Variants in ADAM32 observed in about 807,000 individuals in gnomAD.
ADAM32 encodes disintegrin and metalloproteinase domain-containing protein 32.
Under a neutral mutation model 114.9 loss-of-function variants are expected in ADAM32, and 89 were observed. The ratio of observed to expected loss-of-function variants is 0.77; its 90% confidence interval spans 0.65 to 0.92. The LOEUF (loss-of-function observed/expected upper bound fraction) is 0.92, where lower values mean the gene tolerates loss of function less well. Ranked by LOEUF, ADAM32 falls within the 40% of genes least tolerant of loss-of-function variation. ADAM32 has a pLI of 0.00. For synonymous variants in ADAM32, 285 were observed against 307.5 expected, an observed-to-expected ratio of 0.93 and a Z score of 0.77; for missense variants, 870 against 932.8, an observed-to-expected ratio of 0.93 and a Z score of 0.88.
chr8:39,231,864 C>T (rs1452914448), intron 14 of ADAM32, among the ~76,000 whole-genome samples, 163 bp from the exon 15 acceptor site: 1 of 152,078 alleles, frequency 6.6e-6, no homozygotes, highest in Non-Finnish European at 1.5e-5. Context: ...TAACAGTGGG[C>T]ATTGCCTTTC....
intron 12 of ADAM32, among the ~76,000 whole-genome samples, chr8:39,215,913 C>G (rs1808527150): frequency 6.6e-6 from 1 of 151,882 alleles, no homozygotes; most frequent in Non-Finnish European, 1.5e-5. Context: ...TTCATTTTAT[C>G]TATAGTGCAG....
intron 23 of ADAM32, among the ~76,000 whole-genome samples, chr8:39,281,724 A>G (rs1332299914): frequency 6.6e-6 from 1 of 152,118 alleles, no homozygotes; most frequent in Middle Eastern, 3.2e-3. Flanking sequence ...CCTACACCCC[A>G]CAGTTGTGGC....
At chr8:39,130,641 T>A (rs957922033) in intron 2 of ADAM32, among the ~76,000 whole-genome samples, 1 of 152,160 alleles carries the variant, frequency 6.6e-6, no homozygotes, top group African/African-American at 2.4e-5. Context: ...TCTTTGCAAT[T>A]TTTTTGATTC....
upstream of ADAM32, chr8:39,107,680 C>T (rs552161495): frequency 7.8e-6 from 12 of 1,539,934 alleles, no homozygotes; most frequent in East Asian, 2.5e-5. Flanking sequence ...GTCCCATGAA[C>T]GTGCGGGGAG....
chr8:39,145,701 T>G (rs905135778), intron 3 of ADAM32, among the ~76,000 whole-genome samples: 5 of 152,108 alleles, frequency 3.3e-5, no homozygotes, highest in African/African-American at 1.2e-4. Context: ...ATTTATTTAT[T>G]TTTTTGTTTA....
chr8:39,222,959 T>C, intron 13 of ADAM32, 81 bp from the exon 14 acceptor site: 1 of 1,229,028 alleles, frequency 8.1e-7, no homozygotes, highest in Admixed American at 3.1e-5. Flanking sequence ...GCGAAAATGA[T>C]TAACACAATT....
At chr8:39,241,774 G>C (rs186735714) in intron 16 of ADAM32, among the ~76,000 whole-genome samples, 1 of 152,204 alleles carries the variant, frequency 6.6e-6, no homozygotes, top group African/African-American at 2.4e-5. Flanking sequence ...TGCCACCAAG[G>C]CCTCTGACAT....
At chr8:39,275,942 C>A in intron 22 of ADAM32, 76 bp downstream of exon 22, 1 of 1,352,532 alleles carries the variant, frequency 7.4e-7, no homozygotes, top group Non-Finnish European at 1.0e-6. Context: ...TGATAATTAA[C>A]AATTACTTGC....
At chr8:39,128,028 A>T (rs945531689) in intron 2 of ADAM32, among the ~76,000 whole-genome samples, 2 of 152,000 alleles carry the variant, frequency 1.3e-5, no homozygotes, top group Non-Finnish European at 2.9e-5. Flanking sequence ...GTAGATATCT[A>T]TCAGGTCTGC....
intron 1 of ADAM32, chr8:39,108,128 T>A: frequency 3.1e-6 from 1 of 318,820 alleles, no homozygotes; most frequent in African/African-American, 2.1e-5. Context: ...ACAAAAAAAT[T>A]TAAAAAAATG....
Position 39,267,496 on chromosome 8 carries a change from A to G in ADAM32, c.2163-3380A>G, listed in dbSNP as rs562236453. Among the ~76,000 whole-genome samples the G allele has an allele frequency of 4.6e-5, 7 of 152,228 alleles. No individual in the cohort carries two copies. The South Asian group carries it at 1.5e-3, about 32-fold the overall frequency. On this transcript the variant is annotated intron_variant, in intron 19 of 24. Coordinates refer to ENST00000379907, the MANE Select transcript of ADAM32 (RefSeq NM_145004.7). Reference sequence around the variant, plus strand: ...TTTAAATCTATTTATCTGTTGATGAATATTTGGGTTATTTCCAGTTTATAG... The same window carrying G: ...TTTAAATCTATTTATCTGTTGATGAGTATTTGGGTTATTTCCAGTTTATAG...
At chr8:39,283,729 G>A in intron 24 of ADAM32, 105 bp downstream of exon 24, 1 of 795,138 alleles carries the variant, frequency 1.3e-6, no homozygotes, top group South Asian at 1.9e-5. Context: ...TAGATGAATT[G>A]GTAAAGTACT....
intron 14 of ADAM32, among the ~76,000 whole-genome samples, chr8:39,229,587 T>C: frequency 6.6e-6 from 1 of 152,116 alleles, no homozygotes; most frequent in East Asian, 1.9e-4. Context: ...AGCAACAGCA[T>C]TTAAAAGAGA....
chr8:39,260,171 C>T (rs779456205), intron 19 of ADAM32, among the ~76,000 whole-genome samples: 1 of 152,100 alleles, frequency 6.6e-6, no homozygotes, highest in African/African-American at 2.4e-5. Flanking sequence ...CATCCATCAC[C>T]TCATATAATT....
intron 12 of ADAM32, among the ~76,000 whole-genome samples, chr8:39,219,380 C>G (rs1053096847): frequency 1.9e-4 from 29 of 152,166 alleles, no homozygotes; most frequent in Non-Finnish European, 7.3e-5. Flanking sequence ...TCACTTAGGG[C>G]CCCAGAGTAC....
intron 16 of ADAM32, among the ~76,000 whole-genome samples, chr8:39,244,162 G>A (rs1458440196): frequency 1.3e-5 from 2 of 152,064 alleles, no homozygotes; most frequent in African/African-American, 4.8e-5. Flanking sequence ...TGGATGGGTA[G>A]AATCAATATT....
intron 19 of ADAM32, among the ~76,000 whole-genome samples, chr8:39,265,422 T>G (rs879257045): frequency 6.6e-6 from 1 of 152,200 alleles, no homozygotes. Flanking sequence ...GAAGACAGCA[T>G]GTAGTTGGAT....
intron 6 of ADAM32, among the ~76,000 whole-genome samples, chr8:39,156,040 A>T (rs955669568): frequency 6.6e-6 from 1 of 152,210 alleles, no homozygotes; most frequent in Non-Finnish European, 1.5e-5. Context: ...ACAATGTACA[A>T]GCTATTGTAT....
intron 21 of ADAM32, 94 bp from the exon 22 acceptor site, chr8:39,275,734 C>T: frequency 3.3e-6 from 4 of 1,221,828 alleles, no homozygotes; most frequent in South Asian, 1.6e-5. Flanking sequence ...GAAGAATTAA[C>T]ACAGGTTGTA....
Sources: gnomAD v4.1 joint callset for allele counts (sites outside exome capture counted in the v4.1 genomes callset) on GRCh38, gnomAD v4.1.1 for gene constraint, MANE v1.5 for transcripts, NCBI Gene and HGNC (gene_info 2026-07-23, HGNC 2026-07-21) for gene names.